The following SUPT20H variants were observed in gnomAD, a reference collection of about 807,000 sequenced individuals.
The protein encoded by SUPT20H is transcription factor SPT20 homolog.
In SUPT20H, 82 loss-of-function variants were observed where a neutral mutation model predicts 122.8. The observed-to-expected ratio is 0.67, with a 90% CI of 0.56 to 0.80. The LOEUF (loss-of-function observed/expected upper bound fraction) is 0.80, where lower values mean the gene tolerates loss of function less well. Ranked by LOEUF, SUPT20H falls within the 30% of genes least tolerant of loss-of-function variation. The pLI is 0.00. For synonymous variants in SUPT20H, 291 were observed against 313.0 expected (o/e 0.93, Z 0.74); for missense variants, 831 against 921.6 (o/e 0.90, Z 1.27).
At chr13:37,043,687 C>T (rs921034364) in intron 7 of SUPT20H, among the ~76,000 whole-genome samples, 1 of 151,988 alleles carries the variant, frequency 6.6e-6, no homozygotes, top group Non-Finnish European at 1.5e-5. Context: ...TGCTCTATCA[C>T]CCACGCTGGA....
At chr13:37,049,502 G>C (rs1299142998) in intron 2 of SUPT20H, among the ~76,000 whole-genome samples, 2 of 152,158 alleles carry the variant, frequency 1.3e-5, no homozygotes, top group Non-Finnish European at 2.9e-5. Flanking sequence ...CACTTTGAGA[G>C]GCTGAGGCGG....
rs113102109 is a variant in SUPT20H, at chr13:37,025,034, G to A, written c.1329+286C>T. Reference sequence around the variant, plus strand: ...TCGGCTCACTGAAACCTCCACCTCCGGGGTTCAAGAGATTCTCCTGTCTCA... The same window carrying A: ...TCGGCTCACTGAAACCTCCACCTCCAGGGTTCAAGAGATTCTCCTGTCTCA... On this transcript the variant is annotated intron_variant, in intron 17 of 25. Coordinates refer to ENST00000350612, the MANE Select transcript of SUPT20H (RefSeq NM_001014286.3). 2,494 of 326,562 alleles carry A rather than the reference G, an allele frequency of 7.6e-3. 18 individuals carry two copies. Among genetic ancestry groups the A allele is most frequent in the Middle Eastern group, 0.026 (25 of 962 alleles). The allele number at this position is 326,562 out of a possible 1,614,324, so 20.2% of individuals were successfully genotyped here.
chr13:37,017,255 G>T lies in SUPT20H; in HGVS notation c.1982C>A (p.Pro661Gln), dbSNP rs766979063. 18 of 1,613,950 alleles carry T rather than the reference G, an allele frequency of 1.1e-5. No homozygotes were observed. Among genetic ancestry groups the T allele is most frequent in the Non-Finnish European group, 7.6e-6 (9 of 1,179,990 alleles). The change falls in exon 23 of 26, where the codon CCA becomes CAA. Residue 661 changes from proline to glutamine, a missense_variant. Coordinates refer to ENST00000350612, the MANE Select transcript of SUPT20H (RefSeq NM_001014286.3). ...CTAGAAAATCCATACCTGCTCCCCTGGCTGTTGAGGACTACAAGTTGTGGG... is the reference window on the plus strand; with the variant it reads ...CTAGAAAATCCATACCTGCTCCCCTTGCTGTTGAGGACTACAAGTTGTGGG... ...QQPTTCSPQQPGEQGSEQGST... is the reference protein window; with the variant it reads ...QQPTTCSPQQQGEQGSEQGST...
Position 37,048,568 on chromosome 13 carries a change from G to A in SUPT20H, c.35C>T (p.Ala12Val). 6.2e-7 allele frequency: 1 copy of A among 1,600,042 alleles called. No individual in the cohort carries two copies. Among genetic ancestry groups the A allele is most frequent in the East Asian group, 2.3e-5 (1 of 44,146 alleles). ...QQALELALDR[A>V]EYVIESARQR... ...TGTAACTTAGTCACACCTCACCTCTGCACGATCCAAAGCTAGTTCTAAAGC... is the reference window on the plus strand; with the variant it reads ...TGTAACTTAGTCACACCTCACCTCTACACGATCCAAAGCTAGTTCTAAAGC... Residue 12 changes from alanine (A) to valine (V), a missense_variant, in exon 3 of 26, where the codon GCA becomes GTA. Transcript: ENST00000350612.
At chr13:37,023,114 T>C in intron 19 of SUPT20H, 6 of 1,224,868 alleles carry the variant, frequency 4.9e-6, no homozygotes, top group Non-Finnish European at 6.3e-6. Flanking sequence ...AAGTAACAAC[T>C]GTGTGCAGTA....
intron 10 of SUPT20H, 94 bp from the exon 11 acceptor site, chr13:37,031,989 T>C: frequency 8.5e-7 from 1 of 1,171,254 alleles, no homozygotes; most frequent in Admixed American, 2.9e-5. Flanking sequence ...TATGTACAAA[T>C]CGTGTTTATA....
At chr13:37,019,204 G>T (rs921024428) in intron 22 of SUPT20H, 138 bp downstream of exon 22, 10 of 576,384 alleles carry the variant, frequency 1.7e-5, no homozygotes, top group Non-Finnish European at 3.0e-5. Flanking sequence ...ATCATACAAA[G>T]GTAGCAATAA....
At position 37,022,152 on chromosome 13, in the gene SUPT20H, T is replaced by G; in HGVS notation, c.1592-72A>C. The G allele has an allele frequency of 6.2e-7, 1 of 1,613,970 alleles. No homozygotes were observed. ...AGGCATTGCCTGGCTCAGAGACCTT[T>G]GCTGCTGAGCAAACTGAGTTAACAA... On this transcript the variant is annotated intron_variant, in intron 19 of 25. Coordinates refer to ENST00000350612, the MANE Select transcript of SUPT20H (RefSeq NM_001014286.3). The surrounding 1 kb of genome is among the most constrained non-coding windows in gnomAD (Gnocchi z 4.5).
intron 9 of SUPT20H, among the ~76,000 whole-genome samples, chr13:37,034,269 T>C (rs1261205995): frequency 6.6e-6 from 1 of 152,190 alleles, no homozygotes; most frequent in East Asian, 1.9e-4. Flanking sequence ...GCTAGGCCTA[T>C]GGTACCAGAC....
At chr13:37,014,580 C>A (rs1438441059) in intron 23 of SUPT20H, among the ~76,000 whole-genome samples, 1 of 152,000 alleles carries the variant, frequency 6.6e-6, no homozygotes, top group Non-Finnish European at 1.5e-5. Context: ...TTGGAAAATT[C>A]CCAAGTATTT....
intron 1 of SUPT20H, among the ~76,000 whole-genome samples, chr13:37,058,781 TG>T (rs2069849077): frequency 6.6e-6 from 1 of 152,204 alleles, no homozygotes; most frequent in Non-Finnish European, 1.5e-5. Flanking sequence ...AACCGGCATC[TG>T]TTTTTACATT....
rs556842557 is a variant in SUPT20H, at chr13:37,055,867, A to C, written c.-94+3692T>G. Reference sequence around the variant, plus strand: ...GGGAGAAAATGTTTGCAATCTACTCATCTGACAAAGGGCTAATATCCAGAA... The same window carrying C: ...GGGAGAAAATGTTTGCAATCTACTCCTCTGACAAAGGGCTAATATCCAGAA... On this transcript the variant is annotated intron_variant, in intron 1 of 25. Transcript: ENST00000350612. Among the ~76,000 whole-genome samples, 151 of 152,264 alleles carry C rather than the reference A, an allele frequency of 9.9e-4. 1 individual carries two copies. The highest frequency in any genetic ancestry group is 3.9e-3 in the Admixed American group (60 of 15,264).
At chr13:37,054,874 T>A (rs948955238) in intron 1 of SUPT20H, among the ~76,000 whole-genome samples, 3 of 152,200 alleles carry the variant, frequency 2.0e-5, no homozygotes, top group Non-Finnish European at 4.4e-5. Context: ...AACCCCATTG[T>A]CTCAGACCAA....
chr13:37,037,426 T>C (rs1165366615), intron 9 of SUPT20H, among the ~76,000 whole-genome samples: 1 of 152,218 alleles, frequency 6.6e-6, no homozygotes, highest in Non-Finnish European at 1.5e-5. Flanking sequence ...TTTACGGCAG[T>C]GCTCTGGAAT....
intron 14 of SUPT20H, 128 bp downstream of exon 14, chr13:37,028,020 T>C (rs1319643571): frequency 1.2e-6 from 1 of 809,252 alleles, no homozygotes; most frequent in Non-Finnish European, 1.8e-6. Context: ...ATCTAATTGT[T>C]ATATTTAACT....
At chr13:37,028,472 G>C (rs1400937367) in intron 13 of SUPT20H, among the ~76,000 whole-genome samples, 167 bp from the exon 14 acceptor site, 1 of 152,082 alleles carries the variant, frequency 6.6e-6, no homozygotes, top group Non-Finnish European at 1.5e-5. Flanking sequence ...ATAAAGCACA[G>C]CACGGTTCTT....
intron 3 of SUPT20H, among the ~76,000 whole-genome samples, chr13:37,048,202 C>G (rs965907449): frequency 1.3e-5 from 2 of 152,032 alleles, no homozygotes; most frequent in African/African-American, 2.4e-5. Flanking sequence ...GAAATATTAT[C>G]AATATATTTT....
At chr13:37,049,277 G>C (rs916250439) in intron 2 of SUPT20H, among the ~76,000 whole-genome samples, 1 of 152,098 alleles carries the variant, frequency 6.6e-6, no homozygotes, top group Non-Finnish European at 1.5e-5. Flanking sequence ...CCTCAGAATT[G>C]ATGAAATATA....
At chr13:37,037,185 ACT>A (rs1189932614) in intron 9 of SUPT20H, among the ~76,000 whole-genome samples, 1 of 107,852 alleles carries the variant, frequency 9.3e-6, no homozygotes, top group Admixed American at 1.1e-4. Context: ...TTGCAACCTG[ACT>A]CTGCCTCAAA....
Sources: gnomAD v4.1 joint callset for allele counts (sites outside exome capture counted in the v4.1 genomes callset) on GRCh38, gnomAD v4.1.1 for gene constraint, Gnocchi (gnomAD v3.1) non-coding constraint, MANE v1.5 for transcripts, NCBI Gene and HGNC (gene_info 2026-07-23, HGNC 2026-07-21) for gene names.